DPP10: variants seen among roughly 807,000 people sequenced by gnomAD.
DPP10 encodes the protein inactive dipeptidyl peptidase 10.
Under a neutral mutation model 120.9 loss-of-function variants are expected in DPP10, and 33 were observed. The ratio of observed to expected loss-of-function variants is 0.27; its 90% CI spans 0.21 to 0.37. The LOEUF (loss-of-function observed/expected upper bound fraction) is 0.37, where lower values mean the gene tolerates loss of function less well. Among genes scored for constraint, DPP10 ranks in the 10% least tolerant of loss-of-function variants. The pLI, the probability that DPP10 is intolerant of heterozygous loss-of-function variation, is 1.00. For synonymous variants in DPP10, 337 were observed against 326.1 expected (o/e 1.03, Z -0.36); for missense variants, 816 against 942.8 (o/e 0.87, Z 1.76).
Position 114,687,012 on chromosome 2 carries a change from C to A in DPP10, c.60+244174C>A, listed in dbSNP as rs76707554. Reference sequence around the variant, plus strand: ...TATGAACAAAATCTATATGTTTAACCACATCTCAGACATGCATTATACAAC... The same window carrying A: ...TATGAACAAAATCTATATGTTTAACAACATCTCAGACATGCATTATACAAC... On this transcript the variant is annotated intron_variant, in intron 1 of 25. Coordinates refer to ENST00000410059, the MANE Select transcript of DPP10 (RefSeq NM_020868.6). 7.9e-4 allele frequency among the ~76,000 whole-genome samples: 120 copies of A among 151,996 alleles called. 4 individuals are homozygous for A. In the East Asian group the frequency reaches 0.023, roughly 29 times the overall value.
At chr2:115,142,888 T>TTGC (rs916996230) in intron 1 of DPP10, among the ~76,000 whole-genome samples, 20 of 152,236 alleles carry the variant, frequency 1.3e-4, no homozygotes, top group African/African-American at 4.6e-4. Flanking sequence ...CCTATTACCC[T>TTGC]TGCTGCTGCT....
intron 2 of DPP10, among the ~76,000 whole-genome samples, chr2:115,328,055 A>G (rs561394574): frequency 6.6e-6 from 1 of 152,210 alleles, no homozygotes; most frequent in South Asian, 2.1e-4. Flanking sequence ...ACCATACACC[A>G]GAAACCTCTG....
chr2:115,385,370 A>G (rs1364899869), intron 3 of DPP10, among the ~76,000 whole-genome samples: 1 of 149,748 alleles, frequency 6.7e-6, no homozygotes, highest in Non-Finnish European at 1.5e-5. Context: ...TTTTTTTTAA[A>G]TCAAGACAGA....
intron 3 of DPP10, among the ~76,000 whole-genome samples, chr2:115,425,193 A>T (rs1307270337): frequency 6.6e-6 from 1 of 152,158 alleles, no homozygotes; most frequent in Non-Finnish European, 1.5e-5. Context: ...TGTTTTCCAG[A>T]GAGGAGTTAT....
intron 1 of DPP10, among the ~76,000 whole-genome samples, chr2:114,851,312 A>T (rs927849256): frequency 6.6e-6 from 1 of 152,184 alleles, no homozygotes; most frequent in African/African-American, 2.4e-5. Flanking sequence ...TATGTGTGTT[A>T]CTGAAGGCAA....
intron 1 of DPP10, among the ~76,000 whole-genome samples, chr2:114,708,484 GCA>G (rs796865952): frequency 1.4e-4 from 22 of 152,292 alleles, no homozygotes; most frequent in African/African-American, 5.3e-4. Flanking sequence ...CTGTCTTCCT[GCA>G]CACATTCTTC....
In DPP10 at chr2:115,108,364, C is replaced by T. The variant is rs191563506; in HGVS notation, c.61-200875C>T. ...ATATTGGGGTGAATTTGAAAGCCTACGCCCCACGCAAAAAGAGAGCACATT... is the reference window on the plus strand; with the variant it reads ...ATATTGGGGTGAATTTGAAAGCCTATGCCCCACGCAAAAAGAGAGCACATT... On this transcript the variant is annotated intron_variant, in intron 1 of 25. Transcript: ENST00000410059. Among the ~76,000 whole-genome samples the T allele has an allele frequency of 1.6e-3, 237 of 152,288 alleles. 1 individual carries two copies. The highest frequency in any genetic ancestry group is 0.014 in the Middle Eastern group (4 of 294).
At chr2:115,622,992 G>T (rs920716321) in intron 5 of DPP10, among the ~76,000 whole-genome samples, 2 of 151,648 alleles carry the variant, frequency 1.3e-5, no homozygotes, top group Non-Finnish European at 1.5e-5. Context: ...ACAGGCGCCC[G>T]CCCCCACGCC....
chr2:115,506,244 T>A (rs1175230435), intron 4 of DPP10, among the ~76,000 whole-genome samples: 1 of 152,108 alleles, frequency 6.6e-6, no homozygotes, highest in Non-Finnish European at 1.5e-5. Flanking sequence ...ATATTGGAAA[T>A]ATATTAAATT....
At chr2:114,865,595 A>C (rs2106544810) in intron 1 of DPP10, among the ~76,000 whole-genome samples, 1 of 152,278 alleles carries the variant, frequency 6.6e-6, no homozygotes, top group Admixed American at 6.5e-5. Flanking sequence ...TTCAAGTGAG[A>C]GTGAAGATGC....
chr2:114,901,204 T>C (rs114672075), intron 1 of DPP10, among the ~76,000 whole-genome samples: 4,106 of 152,186 alleles, frequency 0.027, 185 homozygotes, highest in African/African-American at 0.094. Context: ...TGTTTGTTTG[T>C]TTTTTGTTTT....
At chr2:115,043,571 A>T (rs1031950500) in intron 1 of DPP10, among the ~76,000 whole-genome samples, 2 of 152,168 alleles carry the variant, frequency 1.3e-5, no homozygotes, top group Admixed American at 1.3e-4. Flanking sequence ...ACTCTTCATT[A>T]CTCAGGGATT....
chr2:115,128,966 C>T (rs1010759600), intron 1 of DPP10, among the ~76,000 whole-genome samples: 3 of 152,188 alleles, frequency 2.0e-5, no homozygotes, highest in South Asian at 2.1e-4. Context: ...GCTAAGATAC[C>T]GGAGCAGTTC....
chr2:114,480,086 C>G lies in DPP10; in HGVS notation c.60+37248C>G, dbSNP rs183180854. 4.3e-3 allele frequency among the ~76,000 whole-genome samples: 656 copies of G among 152,252 alleles called. 8 individuals carry two copies. Among genetic ancestry groups the G allele is most frequent in the African/African-American group, 0.015 (616 of 41,542 alleles). ...GACATTTCTCAAGACATTTATGCAG[C>G]CAAAACACAAATGAAAGAATGCTCA... On this transcript the variant is annotated intron_variant, in intron 1 of 25. Coordinates refer to ENST00000410059, the MANE Select transcript of DPP10 (RefSeq NM_020868.6).
intron 1 of DPP10, among the ~76,000 whole-genome samples, chr2:114,758,054 A>G (rs1298750745): frequency 6.6e-6 from 1 of 152,214 alleles, no homozygotes; most frequent in East Asian, 1.9e-4. Context: ...CTGACTCCAG[A>G]GTTCCCGTGG....
In DPP10 at chr2:115,227,126, G is replaced by T. The variant is rs577982364; in HGVS notation, c.61-82113G>T. 1.9e-3 allele frequency among the ~76,000 whole-genome samples: 284 copies of T among 152,192 alleles called. 6 individuals carry two copies. The highest frequency in any genetic ancestry group is 0.014 in the Middle Eastern group (4 of 294). ...ATCAACCTAACATCAAGATATTTGC[G>T]TGGGACCAATCTTCTCAAGATTTGA... On this transcript the variant is annotated intron_variant, in intron 1 of 25. Coordinates refer to ENST00000410059, the MANE Select transcript of DPP10 (RefSeq NM_020868.6).
At chr2:115,112,102 A>G (rs923563347) in intron 1 of DPP10, among the ~76,000 whole-genome samples, 1 of 152,176 alleles carries the variant, frequency 6.6e-6, no homozygotes, top group Non-Finnish European at 1.5e-5. Context: ...TTCTCTGAAG[A>G]TAATCTTTTT....
Position 114,531,664 on chromosome 2 carries a change from T to C in DPP10, c.60+88826T>C, listed in dbSNP as rs147949528. Among the ~76,000 whole-genome samples the C allele has an allele frequency of 1.6e-3, 242 of 151,764 alleles. 2 individuals carry two copies. The highest frequency in any genetic ancestry group is 3.9e-4 in the East Asian group (2 of 5,156). On this transcript the variant is annotated intron_variant, in intron 1 of 25. Transcript: ENST00000410059. ...GTTCTGTTTCTCTTGAGAACCCCGA[T>C]TGATACATAGATAGAAGAGTGTATG... is the stretch of plus-strand genomic sequence containing the variant.
intron 1 of DPP10, among the ~76,000 whole-genome samples, chr2:114,890,632 G>T (rs1441970162): frequency 1.3e-5 from 2 of 152,188 alleles, no homozygotes; most frequent in African/African-American, 4.8e-5. Context: ...CATTTGGATA[G>T]TTATTAGCAT....
Sources: gnomAD v4.1 joint callset for allele counts (sites outside exome capture counted in the v4.1 genomes callset) on GRCh38, gnomAD v4.1.1 for gene constraint, MANE v1.5 for transcripts, NCBI Gene and HGNC (gene_info 2026-07-23, HGNC 2026-07-21) for gene names.